Variants in ABCG1 observed in about 807,000 individuals in gnomAD.
ABCG1 encodes the protein ATP binding cassette subfamily G member 1.
In ABCG1, 29 loss-of-function variants were observed where a neutral mutation model predicts 69.2. The observed-to-expected ratio is 0.42, with a 90% CI of 0.31 to 0.57. ABCG1 has a LOEUF of 0.57. Ranked by LOEUF, ABCG1 falls within the 20% of genes least tolerant of loss-of-function variation. The pLI is 0.15. For synonymous variants in ABCG1, 370 were observed against 374.8 expected (o/e 0.99, Z 0.15); for missense variants, 718 against 898.1 (o/e 0.80, Z 2.56).
chr21:42,286,050 G>A lies in ABCG1; in HGVS notation c.973+56G>A, dbSNP rs993481041. The A allele has an allele frequency of 2.5e-5, 32 of 1,266,974 alleles. No homozygotes were observed. The South Asian group carries it at 3.1e-4, about 12-fold the overall frequency. The allele number at this position is 1,266,974 out of a possible 1,614,324, so 78.5% of individuals were successfully genotyped here. ...AGAAAGGGGATTTTCCTCCTCTGTG[G>A]GTCTCACTTTTAGCTGACGCCCCCA... On this transcript the variant is annotated intron_variant, in intron 8 of 14. Coordinates refer to ENST00000398449, the MANE Select transcript of ABCG1 (RefSeq NM_016818.3).
upstream of ABCG1, among the ~76,000 whole-genome samples, chr21:42,213,025 G>C (rs907282884): frequency 6.6e-6 from 1 of 152,238 alleles, no homozygotes; most frequent in Non-Finnish European, 1.5e-5. Flanking sequence ...AAAGGAGGCA[G>C]AACTTGCAGA....
At chr21:42,211,225 T>G (rs1381485820), upstream of ABCG1, among the ~76,000 whole-genome samples, 1 of 152,198 alleles carries the variant, frequency 6.6e-6, no homozygotes, top group African/African-American at 2.4e-5. Context: ...CCCAAAGTGC[T>G]GGCATTACAG....
chr21:42,245,584 G>A (rs1247182547), intron 2 of ABCG1, among the ~76,000 whole-genome samples: 2 of 152,246 alleles, frequency 1.3e-5, no homozygotes, highest in African/African-American at 2.4e-5. Flanking sequence ...AGAGGACACA[G>A]GAGAGACAGG....
chr21:42,230,186 T>C (rs1233999722), intron 2 of ABCG1, among the ~76,000 whole-genome samples: 1 of 152,178 alleles, frequency 6.6e-6, no homozygotes, highest in African/African-American at 2.4e-5. Flanking sequence ...TAACAAAACA[T>C]CTTGTATTTT....
At chr21:42,230,558 C>T (rs374286011) in intron 2 of ABCG1, among the ~76,000 whole-genome samples, 2 of 152,214 alleles carry the variant, frequency 1.3e-5, no homozygotes, top group African/African-American at 4.8e-5. Context: ...ATGTTGAGAA[C>T]ATTTAGGAAT....
chr21:42,262,084 G>A (rs2068423874), intron 2 of ABCG1, among the ~76,000 whole-genome samples: 1 of 152,190 alleles, frequency 6.6e-6, no homozygotes, highest in Admixed American at 6.5e-5. Flanking sequence ...AGGTAACCAG[G>A]ACTGGGGGGT....
intron 2 of ABCG1, among the ~76,000 whole-genome samples, chr21:42,203,743 C>T (rs1177756019): frequency 1.3e-5 from 2 of 152,146 alleles, no homozygotes; most frequent in African/African-American, 4.8e-5. Context: ...AACTCCTTGG[C>T]CTTTCTTTAA....
rs577182232 is a variant in ABCG1 at position 42,273,582 on chromosome 21, C to T, written c.537+147C>T. 3.3e-5 allele frequency: 30 copies of T among 910,252 alleles called. No individual in the cohort carries two copies. Among genetic ancestry groups the T allele is most frequent in the East Asian group, 2.3e-4 (8 of 35,530 alleles). 56.4% of individuals were successfully genotyped at this position (910,252 alleles called of 1,614,324 possible). A position where few individuals can be genotyped will look rare whatever the true frequency, so the allele number is the denominator to read the frequency against. On this transcript the variant is annotated intron_variant, in intron 4 of 14. Transcript: ENST00000398449. The surrounding 1 kb of genome is among the most constrained non-coding windows in gnomAD (Gnocchi z 5.3). Reference sequence around the variant, plus strand: ...CACAGGGCCAGCAACCTCCCTCTAGCGGAGTTCTAACACCAGACTCGCTGT... The same window carrying T: ...CACAGGGCCAGCAACCTCCCTCTAGTGGAGTTCTAACACCAGACTCGCTGT...
At chr21:42,252,784 G>A (rs770021257) in intron 2 of ABCG1, among the ~76,000 whole-genome samples, 3 of 152,240 alleles carry the variant, frequency 2.0e-5, no homozygotes, top group African/African-American at 4.8e-5. Context: ...TGGGTTTGGC[G>A]TTTTAAGGTT....
At chr21:42,201,823 G>T (rs1419413644) in intron 2 of ABCG1, 1 of 1,592,360 alleles carries the variant, frequency 6.3e-7, no homozygotes, top group African/African-American at 1.3e-5. Flanking sequence ...GTCTAGAGAT[G>T]ATTCTTGGTG....
chr21:42,286,339 G>A (rs1026311129), intron 8 of ABCG1, among the ~76,000 whole-genome samples: 1 of 152,032 alleles, frequency 6.6e-6, no homozygotes, highest in African/African-American at 2.4e-5. Flanking sequence ...TTCAAATAAG[G>A]GTGCATAGTG....
Position 42,291,737 on chromosome 21 carries a change from C to T in ABCG1, c.1653+81C>T. The T allele has an allele frequency of 1.4e-6, 2 of 1,426,174 alleles. No homozygotes were observed. The highest frequency in any genetic ancestry group is 1.9e-6 in the Non-Finnish European group (2 of 1,075,262). 88.3% of individuals were successfully genotyped at this position (1,426,174 alleles called of 1,614,324 possible). A position where few individuals can be genotyped will look rare whatever the true frequency, so the allele number is the denominator to read the frequency against. On this transcript the variant is annotated intron_variant, in intron 13 of 14. Transcript: ENST00000398449. This position sits in a 1 kb window ranked among gnomAD's most constrained non-coding sequence, Gnocchi z 6.4. Reference sequence around the variant, plus strand: ...CCTTGGCCTGAGCTAGGGGGCTCTGCCACCCCTTCCCCTACTTCTGCCCTG... The same window carrying T: ...CCTTGGCCTGAGCTAGGGGGCTCTGTCACCCCTTCCCCTACTTCTGCCCTG...
At chr21:42,259,562 G>A in intron 2 of ABCG1, 1 of 1,497,432 alleles carries the variant, frequency 6.7e-7, no homozygotes. Flanking sequence ...AGGCTATGGA[G>A]GCAAATCGAG....
intron 7 of ABCG1, 91 bp downstream of exon 7, chr21:42,284,774 T>C: frequency 6.6e-7 from 1 of 1,515,038 alleles, no homozygotes; most frequent in Non-Finnish European, 8.9e-7. Context: ...CTGCCTTCTG[T>C]TAGCTCGTGG....
intron 3 of ABCG1, among the ~76,000 whole-genome samples, chr21:42,272,142 C>T: frequency 6.6e-6 from 1 of 152,244 alleles, no homozygotes; most frequent in East Asian, 1.9e-4. Flanking sequence ...TTCTGAATTA[C>T]ACCTTAATGC....
rs1377121657 is a variant in ABCG1 at position 42,296,389 on chromosome 21, G to C, written c.1998G>C (p.Arg666Ser). ...TCAGGTACAAAATCCGGGCAGAGAG[G>C]TAAAACACCTGAATGCCAGGAAACA... ...FVLRYKIRAE[R>S] Residue 666 changes from arginine to serine, a missense_variant, in exon 15 of 15, where the codon AGG becomes AGC. Around this residue, in one of 2 missense-constraint regions of ABCG1, gnomAD observed 204 missense variants for 323.8 expected, o/e 0.63. Coordinates refer to ENST00000398449, the MANE Select transcript of ABCG1 (RefSeq NM_016818.3). The surrounding 1 kb of genome is among the most constrained non-coding windows in gnomAD (Gnocchi z 5.4). The C allele has an allele frequency of 3.7e-6, 6 of 1,612,586 alleles. No homozygotes were observed. Among genetic ancestry groups the C allele is most frequent in the Non-Finnish European group, 5.1e-6 (6 of 1,179,566 alleles).
intron 6 of ABCG1, among the ~76,000 whole-genome samples, chr21:42,283,197 G>T (rs1355137007): frequency 6.6e-6 from 1 of 152,214 alleles, no homozygotes; most frequent in Non-Finnish European, 1.5e-5. Flanking sequence ...ACAGTAGTGT[G>T]ACAGCAGCCT....
In ABCG1 at chr21:42,282,306, G is replaced by C. The variant is rs2123772540; in HGVS notation, c.621G>C (p.Leu207=). The C allele has an allele frequency of 6.2e-7, 1 of 1,612,982 alleles. No homozygotes were observed. Among genetic ancestry groups the C allele is most frequent in the East Asian group, 2.2e-5 (1 of 44,874 alleles). Residue 207 remains leucine, a synonymous_variant, in exon 6 of 15, where the codon CTG becomes CTC. Coordinates refer to ENST00000398449, the MANE Select transcript of ABCG1 (RefSeq NM_016818.3). Reference sequence around the variant, plus strand: ...AGATACTGACAGCGCTGGGCTTGCTGTCTTGCGCCAACACGCGGACCGGGA... The same window carrying C: ...AGATACTGACAGCGCTGGGCTTGCTCTCTTGCGCCAACACGCGGACCGGGA... ...VKEILTALGL[L]SCANTRTGSL...
rs1205474326 is a variant in ABCG1, at chr21:42,287,583, C to A, written c.974-306C>A. Among the ~76,000 whole-genome samples, 1 of 152,200 alleles carries A rather than the reference C, an allele frequency of 6.6e-6. No individual in the cohort carries two copies. Among genetic ancestry groups the A allele is most frequent in the Non-Finnish European group, 1.5e-5 (1 of 68,040 alleles). ...CTCCACCTTGGAGGCTGGCCCAGAG[C>A]AGGCATTCAGTAAGTACCGGCTGGA... On this transcript the variant is annotated intron_variant, in intron 8 of 14. Coordinates refer to ENST00000398449, the MANE Select transcript of ABCG1 (RefSeq NM_016818.3). The surrounding 1 kb of genome is among the most constrained non-coding windows in gnomAD (Gnocchi z 6.2).
Sources: gnomAD v4.1 joint callset for allele counts (sites outside exome capture counted in the v4.1 genomes callset) on GRCh38, gnomAD v4.1.1 for gene constraint, gnomAD v4.1.1 regional missense constraint, Gnocchi (gnomAD v3.1) non-coding constraint, MANE v1.5 for transcripts, NCBI Gene and HGNC (gene_info 2026-07-23, HGNC 2026-07-21) for gene names.